The following PARD3 variants were observed in gnomAD, a reference collection of about 807,000 sequenced individuals.
The protein encoded by PARD3 is par-3 family cell polarity regulator, also known as partitioning defective 3 homolog.
In PARD3, 75 loss-of-function variants were observed where a neutral mutation model predicts 155.4. The ratio of observed to expected loss-of-function variants is 0.48; its 90% confidence interval spans 0.40 to 0.58. The LOEUF (loss-of-function observed/expected upper bound fraction) is 0.58, where lower values mean the gene tolerates loss of function less well. Among genes scored for constraint, PARD3 ranks in the 20% least tolerant of loss-of-function variants. The probability of loss-of-function intolerance (pLI) is 0.00; values close to 1 mark genes in which losing one functional copy is unlikely to be tolerated. For missense variants in PARD3, 1,642 were observed against 1,721.7 expected, an observed-to-expected ratio of 0.95 and a Z score of 0.82; for synonymous variants, 576 against 610.5, an observed-to-expected ratio of 0.94 and a Z score of 0.83.
rs147914501 is a variant in PARD3, at chr10:34,671,132, G to T, written c.222+25186C>A. Among the ~76,000 whole-genome samples the T allele has an allele frequency of 5.3e-5, 8 of 152,256 alleles. No homozygotes were observed. In the East Asian group the frequency reaches 1.5e-3, roughly 29 times the overall value. The stretch of plus-strand genomic sequence containing the variant: ...AGCCTTCAAATCAAAAGAAATAAGC[G>T]TTTAGGCTGCAACACACAGCATAAG... On this transcript the variant is annotated intron_variant, in intron 2 of 24. Transcript: ENST00000374788.
At chr10:34,503,769 C>A (rs1170772350) in intron 3 of PARD3, among the ~76,000 whole-genome samples, 1 of 152,122 alleles carries the variant, frequency 6.6e-6, no homozygotes, top group Non-Finnish European at 1.5e-5. Context: ...AGAAAACTTT[C>A]CACAAGTTTT....
intron 2 of PARD3, among the ~76,000 whole-genome samples, chr10:34,642,943 C>A (rs1343941642): frequency 1.3e-5 from 2 of 152,154 alleles, no homozygotes; most frequent in Non-Finnish European, 2.9e-5. Context: ...ACTGGGAAAC[C>A]TTCATATGCC....
intron 4 of PARD3, among the ~76,000 whole-genome samples, chr10:34,456,163 A>T (rs1482210363): frequency 6.6e-6 from 1 of 152,238 alleles, no homozygotes; most frequent in African/African-American, 2.4e-5. Flanking sequence ...AGTGATAATT[A>T]ATAGTTTGCT....
intron 4 of PARD3, among the ~76,000 whole-genome samples, chr10:34,466,696 G>C (rs539711424): frequency 6.6e-6 from 1 of 151,984 alleles, no homozygotes; most frequent in African/African-American, 2.4e-5. Context: ...TGAGACCATA[G>C]GTAAGCTCTC....
intron 7 of PARD3, among the ~76,000 whole-genome samples, chr10:34,398,619 G>A (rs1843584036): frequency 6.6e-6 from 1 of 152,184 alleles, no homozygotes; most frequent in South Asian, 2.1e-4. Context: ...TCACTTGTCT[G>A]TGACAGAGGT....
chr10:34,788,965 A>G (rs1039158947), intron 1 of PARD3, among the ~76,000 whole-genome samples: 7 of 152,250 alleles, frequency 4.6e-5, no homozygotes, highest in Admixed American at 6.5e-5. Flanking sequence ...TGAAATGTTC[A>G]TAATTTCCTA....
intron 1 of PARD3, among the ~76,000 whole-genome samples, chr10:34,753,988 A>C (rs1836384947): frequency 6.6e-6 from 1 of 152,142 alleles, no homozygotes; most frequent in Non-Finnish European, 1.5e-5. Context: ...GTCATCGTAG[A>C]TCAGACAACA....
chr10:34,450,713 C>G (rs886641378), intron 4 of PARD3, among the ~76,000 whole-genome samples: 1 of 152,090 alleles, frequency 6.6e-6, no homozygotes, highest in South Asian at 2.1e-4. Flanking sequence ...CTACACTTTG[C>G]ACTCCTACCC....
At chr10:34,194,416 C>T (rs905232326) in intron 22 of PARD3, among the ~76,000 whole-genome samples, 2 of 152,008 alleles carry the variant, frequency 1.3e-5, no homozygotes, top group Non-Finnish European at 2.9e-5. Flanking sequence ...CTTGTACGTC[C>T]CTGTGCCTCA....
intron 2 of PARD3, among the ~76,000 whole-genome samples, chr10:34,651,506 G>C (rs1389429985): frequency 6.6e-6 from 1 of 152,232 alleles, no homozygotes; most frequent in Non-Finnish European, 1.5e-5. Flanking sequence ...CTCTGGGCAG[G>C]AAGTGTGGAC....
chr10:34,813,347 G>A (rs1844452198), intron 1 of PARD3, among the ~76,000 whole-genome samples: 1 of 152,120 alleles, frequency 6.6e-6, no homozygotes. Flanking sequence ...GGTTTCCAGA[G>A]TGCCTGAACA....
intron 1 of PARD3, among the ~76,000 whole-genome samples, chr10:34,810,595 G>A (rs140558408): frequency 6.6e-6 from 1 of 152,136 alleles, no homozygotes. Flanking sequence ...GGTGCTGCAC[G>A]TCATTCAATC....
rs146374710 is a variant in PARD3 at position 34,559,398 on chromosome 10, A to T, written c.223-42239T>A. 1.1e-3 allele frequency among the ~76,000 whole-genome samples: 172 copies of T among 152,058 alleles called. 1 individual carries two copies. The highest frequency in any genetic ancestry group is 3.9e-3 in the African/African-American group (163 of 41,476). On this transcript the variant is annotated intron_variant, in intron 2 of 24. Coordinates refer to ENST00000374788, the MANE Select transcript of PARD3 (RefSeq NM_001184785.2). ...GCATTTTTAGGCAGGGGTCATAAAC[A>T]AACACTAGAGAAGTGATCAGAGATG...
chr10:34,259,259 T>G (rs938335395), intron 22 of PARD3, among the ~76,000 whole-genome samples: 3 of 152,122 alleles, frequency 2.0e-5, no homozygotes, highest in African/African-American at 7.2e-5. Flanking sequence ...TGTATTGCCT[T>G]GAGACAACAC....
rs1370084 is a variant in PARD3, at chr10:34,450,291, G to A, written c.714+26C>T. Reference sequence around the variant, plus strand: ...TGGGACAGGATGTTACAGCAATGACGCACATATAAGGATTTGTCATGTTAC... The same window carrying A: ...TGGGACAGGATGTTACAGCAATGACACACATATAAGGATTTGTCATGTTAC... On this transcript the variant is annotated intron_variant, in intron 5 of 24. Transcript: ENST00000374788. 3,114 of 1,602,836 alleles carry A rather than the reference G, an allele frequency of 1.9e-3. 47 individuals carry two copies. The African/African-American group carries it at 0.033, about 17-fold the overall frequency.
chr10:34,748,792 G>C (rs1411469531), intron 1 of PARD3, among the ~76,000 whole-genome samples: 1 of 152,200 alleles, frequency 6.6e-6, no homozygotes, highest in Non-Finnish European at 1.5e-5. Context: ...AGGCACTGCA[G>C]CAGTAGAGGT....
At chr10:34,360,029 A>AT in intron 13 of PARD3, 42 bp downstream of exon 13, 2 of 1,492,398 alleles carry the variant, frequency 1.3e-6, no homozygotes. Context: ...TGAAATTAAA[A>AT]TTTTTGTTAA....
chr10:34,579,641 CATG>C (rs1174626589), intron 2 of PARD3, among the ~76,000 whole-genome samples: 1 of 145,816 alleles, frequency 6.9e-6, no homozygotes. Context: ...AGTGCAGTGG[CATG>C]ATTTTGGCTC....
chr10:34,629,719 T>C (rs1369510488), intron 2 of PARD3, among the ~76,000 whole-genome samples: 1 of 152,190 alleles, frequency 6.6e-6, no homozygotes, highest in East Asian at 1.9e-4. Flanking sequence ...CATCTGGTTG[T>C]CATAACCCTT....
Sources: allele counts gnomAD v4.1 joint callset (sites outside exome capture counted in the v4.1 genomes callset), GRCh38; gene constraint gnomAD v4.1.1; transcripts MANE v1.5; gene names NCBI Gene and HGNC (gene_info 2026-07-23, HGNC 2026-07-21).